NSD3: variants seen among roughly 807,000 people sequenced by gnomAD.
NSD3 encodes histone-lysine N-methyltransferase NSD3.
A neutral mutation model predicts 160.8 loss-of-function variants in NSD3; 24 were observed. The observed-to-expected ratio is 0.15, with a 90% CI of 0.11 to 0.21. The LOEUF (loss-of-function observed/expected upper bound fraction) is 0.21. NSD3 is among the 10% of genes least tolerant of loss of function. The pLI is 1.00. For synonymous variants in NSD3, 520 were observed against 600.0 expected, an observed-to-expected ratio of 0.87 and a Z score of 1.95; for missense variants, 1,157 against 1,735.9, an observed-to-expected ratio of 0.67 and a Z score of 5.93.
In NSD3 at chr8:38,289,396, G is replaced by T; in HGVS notation, c.3228C>A (p.Ile1076=). 6.2e-7 allele frequency: 1 copy of T among 1,611,154 alleles called. No individual in the cohort carries two copies. Among genetic ancestry groups the T allele is most frequent in the Non-Finnish European group, 8.5e-7 (1 of 1,178,718 alleles). The change falls in exon 18 of 24, where the codon ATC becomes ATA. Residue 1076 remains isoleucine, a synonymous_variant. Transcript: ENST00000317025. ...CAGGCCAGAGATAAAGACTTACTTT[G>T]ATGTGTTTGTAGGGAGGGGGTTTTC... The part of the protein sequence containing the change: ...NSRKPPPYKH[I]KANKVIGKVQ...
At chr8:38,292,514 G>A (rs970047529) in intron 16 of NSD3, among the ~76,000 whole-genome samples, 3 of 152,048 alleles carry the variant, frequency 2.0e-5, no homozygotes, top group African/African-American at 7.3e-5. Flanking sequence ...CAGGCACGGT[G>A]TCTCACGCCT....
At chr8:38,290,174 C>A (rs1808968249) in intron 17 of NSD3, among the ~76,000 whole-genome samples, 1 of 151,480 alleles carries the variant, frequency 6.6e-6, no homozygotes, top group African/African-American at 2.4e-5. Flanking sequence ...TGTGATCATG[C>A]CACTGCATTC....
intron 12 of NSD3, among the ~76,000 whole-genome samples, chr8:38,313,221 A>G (rs1443256782): frequency 3.3e-5 from 5 of 152,012 alleles, no homozygotes; most frequent in Non-Finnish European, 4.4e-5. Flanking sequence ...GTGTGTGTGT[A>G]TGTATGTGAA....
Position 38,298,740 on chromosome 8 carries a change from T to C in NSD3, c.2758+704A>G, listed in dbSNP as rs1372505097. 3.9e-5 allele frequency among the ~76,000 whole-genome samples: 6 copies of C among 152,226 alleles called. No individual in the cohort carries two copies. In the East Asian group the frequency reaches 9.6e-4, roughly 24 times the overall value. ...AATCATTTTTATAACAGGTAGGCTATGGAAAACTAAACACAATATAAAGTT... is the reference window on the plus strand; with the variant it reads ...AATCATTTTTATAACAGGTAGGCTACGGAAAACTAAACACAATATAAAGTT... On this transcript the variant is annotated intron_variant, in intron 15 of 23. Transcript: ENST00000317025.
chr8:38,349,128 G>T (rs1214174373), intron 1 of NSD3, among the ~76,000 whole-genome samples: 3 of 151,930 alleles, frequency 2.0e-5, no homozygotes, highest in East Asian at 3.9e-4. Context: ...TCTGTGACTT[G>T]CTTATTTAAC....
In NSD3 at chr8:38,315,416, C is replaced by A; in HGVS notation, c.2115G>T (p.Gln705His). The A allele has an allele frequency of 6.4e-7, 1 of 1,564,258 alleles. No individual in the cohort carries two copies. Among genetic ancestry groups the A allele is most frequent in the Non-Finnish European group, 8.6e-7 (1 of 1,162,028 alleles). Residue 705 changes from glutamine (Q) to histidine (H), a missense_variant and splice_region_variant, in exon 11 of 24, where the codon CAG becomes CAT. By Grantham distance (24) the Gln-to-His change is conservative. Around this residue, in one of 10 missense-constraint regions of NSD3, gnomAD observed 437 missense variants for 576.6 expected, o/e 0.76. Transcript: ENST00000317025. The part of the protein sequence containing the change: ...TGMSKKDTVC[Q>H]ICESSGDSLI... ...GCCATAGCACCAGTTACCTGCCTACCTGACATACAGTGTCCTTCTTACTCA... is the reference window on the plus strand; with the variant it reads ...GCCATAGCACCAGTTACCTGCCTACATGACATACAGTGTCCTTCTTACTCA...
Position 38,273,643 on chromosome 8 carries a change from T to TA in NSD3, c.*1997dup, listed in dbSNP as rs1187469609. ...TATACAAAATAAAATTTTAGTATGA[T>TA]AAAACCTAGCTTTTCTTATTTTTTA... On this transcript the variant is annotated 3_prime_UTR_variant, in exon 24 of 24. Transcript: ENST00000317025. 8 of 152,368 alleles carry TA rather than the reference T, an allele frequency of 5.3e-5. No individual in the cohort carries two copies. The highest frequency in any genetic ancestry group is 1.9e-4 in the African/African-American group (8 of 41,590). The allele number at this position is 152,368 out of a possible 1,614,324, so 9.4% of individuals were successfully genotyped here. A position where few individuals can be genotyped will look rare whatever the true frequency, so the allele number is the denominator to read the frequency against.
chr8:38,281,519 T>G lies in NSD3; in HGVS notation c.3566A>C (p.Lys1189Thr). Residue 1189 changes from lysine to threonine, a missense_variant, in exon 20 of 24, where the codon AAG (lysine) becomes ACG (threonine). This residue lies in a region of NSD3 where 222 missense variants were observed against 409.9 expected (regional missense o/e 0.54). Transcript: ENST00000317025. ...IDEEECRLRIKRAHENSVTNF... is the reference protein window; with the variant it reads ...IDEEECRLRITRAHENSVTNF... ...AGTTACACTGTTCTCGTGGGCTCGC[T>G]TGATTCGCAATCTGCATTCTTCTTC... is the stretch of plus-strand genomic sequence containing the variant. 1 of 1,607,400 alleles carries G rather than the reference T, an allele frequency of 6.2e-7. No individual in the cohort carries two copies.
At chr8:38,299,712 A>G in intron 14 of NSD3, 122 bp from the exon 15 acceptor site, 2 of 968,494 alleles carry the variant, frequency 2.1e-6, no homozygotes, top group South Asian at 8.2e-5. Flanking sequence ...CGAAAATGAG[A>G]ATATGAAGAA....
intron 19 of NSD3, among the ~76,000 whole-genome samples, chr8:38,286,095 A>G (rs1164862281): frequency 6.6e-6 from 1 of 152,108 alleles, no homozygotes; most frequent in East Asian, 1.9e-4. Flanking sequence ...AGGACCTGTG[A>G]TTAGCTTCTA....
At chr8:38,287,813 C>T (rs1456212816) in intron 19 of NSD3, among the ~76,000 whole-genome samples, 2 of 152,008 alleles carry the variant, frequency 1.3e-5, no homozygotes, top group Non-Finnish European at 2.9e-5. Context: ...CTACCACGCC[C>T]GGCTAATTTT....
intron 1 of NSD3, among the ~76,000 whole-genome samples, chr8:38,367,308 A>G (rs1441934134): frequency 6.6e-6 from 1 of 152,166 alleles, no homozygotes; most frequent in Non-Finnish European, 1.5e-5. Flanking sequence ...ACATATATAA[A>G]ATGACCACGA....
At chr8:38,320,508 C>G (rs1809770849) in intron 8 of NSD3, 1 of 152,026 alleles carries the variant, frequency 6.6e-6, no homozygotes, top group South Asian at 2.1e-4. Flanking sequence ...TGCAACCCCC[C>G]CACACACCTT....
chr8:38,318,792 A>G lies in NSD3; in HGVS notation c.1855+103T>C. On this transcript the variant is annotated intron_variant, in intron 9 of 23. Coordinates refer to ENST00000317025, the MANE Select transcript of NSD3 (RefSeq NM_023034.2). This position sits in a 1 kb window ranked among gnomAD's most constrained non-coding sequence, Gnocchi z 5.3. ...TACTGCAATTTCACACTGAAGAGCAACAACGATTTACAGAGACAGACAAAA... is the reference window on the plus strand; with the variant it reads ...TACTGCAATTTCACACTGAAGAGCAGCAACGATTTACAGAGACAGACAAAA... 1 of 1,126,132 alleles carries G rather than the reference A, an allele frequency of 8.9e-7. No homozygotes were observed. The allele number at this position is 1,126,132 out of a possible 1,614,324, so 69.8% of individuals were successfully genotyped here. A position where few individuals can be genotyped will look rare whatever the true frequency, so the allele number is the denominator to read the frequency against.
chr8:38,337,373 T>C lies in NSD3; in HGVS notation c.842A>G (p.Tyr281Cys). Residue 281 changes from tyrosine (Y) to cysteine (C), a missense_variant, in exon 4 of 24, where the codon TAT becomes TGT. Around this residue, in one of 10 missense-constraint regions of NSD3, gnomAD observed 99 missense variants for 151.8 expected, o/e 0.65. Transcript: ENST00000317025. ...GDLVWSKVGT[Y>C]PWWPCMVSSD... ...TGAAACCATACAAGGCCACCAAGGA[T>C]AGGTTCCCACCTTGGACCACACAAG... is the stretch of plus-strand genomic sequence containing the variant. 6.2e-7 allele frequency: 1 copy of C among 1,612,384 alleles called. No individual in the cohort carries two copies. Among genetic ancestry groups the C allele is most frequent in the Non-Finnish European group, 8.5e-7 (1 of 1,179,352 alleles).
At chr8:38,334,925 CA>C (rs1473243643) in intron 4 of NSD3, among the ~76,000 whole-genome samples, 2 of 150,890 alleles carry the variant, frequency 1.3e-5, no homozygotes, top group Non-Finnish European at 2.9e-5. Context: ...GTAATATAAA[CA>C]AAATCGGTTT....
At position 38,329,342 on chromosome 8, in the gene NSD3, C is replaced by T. The variant is rs1216572364; in HGVS notation, c.1581+36G>A. The T allele has an allele frequency of 6.3e-7, 1 of 1,587,274 alleles. No individual in the cohort carries two copies. Among genetic ancestry groups the T allele is most frequent in the African/African-American group, 1.4e-5 (1 of 73,804 alleles). On this transcript the variant is annotated intron_variant, in intron 6 of 23. Transcript: ENST00000317025. This position sits in a 1 kb window ranked among gnomAD's most constrained non-coding sequence, Gnocchi z 4.8. ...GCCAAGGTTGACCACTTTTAAAATA[C>T]CATCCCCCAAAAAACTCCACGAAAA...
intron 22 of NSD3, 72 bp downstream of exon 22, chr8:38,278,234 G>C: frequency 7.1e-7 from 1 of 1,411,986 alleles, no homozygotes; most frequent in South Asian, 1.3e-5. Flanking sequence ...CACCGCGCCC[G>C]GCCAAACAGA....
chr8:38,369,232 G>C (rs1811179008), intron 1 of NSD3, among the ~76,000 whole-genome samples: 1 of 152,062 alleles, frequency 6.6e-6, no homozygotes, highest in Non-Finnish European at 1.5e-5. Flanking sequence ...ATAAAAGTTA[G>C]AAAATTCAGA....
Sources: gnomAD v4.1 joint callset for allele counts (sites outside exome capture counted in the v4.1 genomes callset) on GRCh38, gnomAD v4.1.1 for gene constraint, gnomAD v4.1.1 regional missense constraint, Gnocchi (gnomAD v3.1) non-coding constraint, MANE v1.5 for transcripts, NCBI Gene and HGNC (gene_info 2026-07-23, HGNC 2026-07-21) for gene names.